Variants in KLF8 observed in about 807,000 individuals in gnomAD.
KLF8 encodes the protein Krueppel-like factor 8.
A neutral mutation model predicts 18.2 loss-of-function variants in KLF8; 10 were observed. The ratio of observed to expected loss-of-function variants is 0.55; its 90% CI spans 0.34 to 0.93. The LOEUF (loss-of-function observed/expected upper bound fraction) is 0.93. Among genes scored for constraint, KLF8 ranks in the 40% least tolerant of loss-of-function variants. The pLI, the probability that KLF8 is intolerant of heterozygous loss-of-function variation, is 0.02. For synonymous variants in KLF8, 109 were observed against 97.3 expected, an observed-to-expected ratio of 1.12 and a Z score of -0.71; for missense variants, 264 against 277.9, an observed-to-expected ratio of 0.95 and a Z score of 0.36.
At chrX:56,014,165 C>G in the KLF8 span, among the ~76,000 whole-genome samples, 1 of 112,291 alleles carries the variant, frequency 8.9e-6, no homozygotes, top group African/African-American at 3.2e-5. Context: ...AGCTTCTGCA[C>G]AGCAAAAGAA....
chrX:56,009,761 C>T, the KLF8 span, among the ~76,000 whole-genome samples: 3 of 112,224 alleles, frequency 2.7e-5, no homozygotes, highest in Non-Finnish European at 3.8e-5. Context: ...TAGAGAAGAA[C>T]ATAAATGACC....
the KLF8 span, among the ~76,000 whole-genome samples, chrX:56,201,370 G>T: frequency 8.9e-6 from 1 of 111,780 alleles, no homozygotes; most frequent in African/African-American, 3.2e-5. Context: ...AGAAAGACAA[G>T]CACTATGTGA....
At chrX:56,049,551 T>A in the KLF8 span, among the ~76,000 whole-genome samples, 1 of 106,905 alleles carries the variant, frequency 9.4e-6, no homozygotes, top group Non-Finnish European at 1.9e-5. Context: ...TTGGCTCTGT[T>A]TATATGCTGG....
the KLF8 span, among the ~76,000 whole-genome samples, chrX:55,915,853 G>A: frequency 8.9e-6 from 1 of 111,833 alleles, no homozygotes; most frequent in Non-Finnish European, 1.9e-5. Flanking sequence ...TCTTAGGAGT[G>A]GACTGGGTTT....
At chrX:56,280,604 A>G (rs1416098903) in intron 5 of KLF8, among the ~76,000 whole-genome samples, 1 of 112,262 alleles carries the variant, frequency 8.9e-6, no homozygotes. Context: ...CTTTTTATTC[A>G]TAATGGCTAA....
At chrX:56,003,336 G>A in the KLF8 span, among the ~76,000 whole-genome samples, 16 of 110,679 alleles carry the variant, frequency 1.4e-4, no homozygotes, top group African/African-American at 5.3e-4. Context: ...CTTGAACCTG[G>A]GAGGCGGAGG....
At chrX:56,070,116 C>T in the KLF8 span, among the ~76,000 whole-genome samples, 1 of 112,013 alleles carries the variant, frequency 8.9e-6, no homozygotes, top group Non-Finnish European at 1.9e-5. Flanking sequence ...ATGGATGAAG[C>T]TGGAAGCCAT....
At chrX:56,184,258 T>C in the KLF8 span, among the ~76,000 whole-genome samples, 1 of 111,343 alleles carries the variant, frequency 9.0e-6, no homozygotes, top group East Asian at 2.9e-4. Context: ...GCCCACTGAG[T>C]CTCACTGATT....
chrX:56,217,271 A>C, the KLF8 span, among the ~76,000 whole-genome samples: 2 of 111,658 alleles, frequency 1.8e-5, no homozygotes, highest in South Asian at 7.6e-4. Flanking sequence ...AGAAACCAGC[A>C]ATATGGTAAA....
At chrX:55,940,428 A>G in the KLF8 span, among the ~76,000 whole-genome samples, 1 of 111,908 alleles carries the variant, frequency 8.9e-6, no homozygotes, top group East Asian at 2.8e-4. Flanking sequence ...ATCATATTGA[A>G]TGGACAAAAA....
the KLF8 span, among the ~76,000 whole-genome samples, chrX:55,966,657 G>A: frequency 5.4e-5 from 6 of 111,662 alleles, no homozygotes; most frequent in Non-Finnish European, 1.1e-4. Context: ...AGAGGTATTG[G>A]TACAAAGAAG....
the KLF8 span, among the ~76,000 whole-genome samples, chrX:56,172,266 C>G: frequency 1.4e-4 from 15 of 110,673 alleles, no homozygotes; most frequent in African/African-American, 4.9e-4. Flanking sequence ...TTTCCCACAC[C>G]CCACAACAGG....
At chrX:55,964,284 A>C in the KLF8 span, among the ~76,000 whole-genome samples, 1 of 112,351 alleles carries the variant, frequency 8.9e-6, no homozygotes, top group South Asian at 3.7e-4. Context: ...ATTGAATGAA[A>C]TTGAGATGCA....
chrX:56,063,109 C>A, the KLF8 span, among the ~76,000 whole-genome samples: 1 of 111,295 alleles, frequency 9.0e-6, no homozygotes, highest in East Asian at 2.8e-4. Flanking sequence ...TGAGTTAGAA[C>A]ATGCTCCTTT....
At chrX:56,206,644 A>G in the KLF8 span, among the ~76,000 whole-genome samples, 2 of 112,398 alleles carry the variant, frequency 1.8e-5, no homozygotes, top group African/African-American at 6.5e-5. Context: ...TTCTTAGGGT[A>G]CAGCCTCCCT....
chrX:56,187,085 G>A, the KLF8 span, among the ~76,000 whole-genome samples: 1 of 111,516 alleles, frequency 9.0e-6, no homozygotes, highest in Admixed American at 9.5e-5. Flanking sequence ...GAATCTAGGA[G>A]CTGGTTTTTG....
intron 3 of KLF8, chrX:56,266,083 G>A: frequency 1.3e-6 from 1 of 792,963 alleles, no homozygotes. Flanking sequence ...TTAAAAACCT[G>A]TTAAGATAAA....
chrX:56,213,289 C>CT, the KLF8 span, among the ~76,000 whole-genome samples: 1 of 24,664 alleles, frequency 4.1e-5, no homozygotes, highest in African/African-American at 1.9e-4. Context: ...GTTTTCTTTT[C>CT]TTTTCTTTTC....
At chrX:56,213,261 C>T in the KLF8 span, among the ~76,000 whole-genome samples, 3 of 100,162 alleles carry the variant, frequency 3.0e-5, no homozygotes, top group African/African-American at 1.2e-4. Context: ...TTTAAAATGA[C>T]CTATTTCTTT....
Sources: allele counts gnomAD v4.1 joint callset (sites outside exome capture counted in the v4.1 genomes callset), GRCh38; gene constraint gnomAD v4.1.1; transcripts MANE v1.5; gene names NCBI Gene and HGNC (gene_info 2026-07-23, HGNC 2026-07-21).